Variants in GLRA3 observed in about 807,000 individuals in gnomAD.
GLRA3 encodes glycine receptor subunit alpha-3.
In GLRA3, 44 loss-of-function variants were observed where a neutral mutation model predicts 60.4. That is an observed-to-expected ratio of 0.73 (90% CI 0.57 to 0.94). The LOEUF is 0.94. Ranked by LOEUF, GLRA3 falls within the 40% of genes least tolerant of loss-of-function variation. GLRA3 has a pLI of 0.00. For missense variants in GLRA3, 508 were observed against 564.6 expected, an observed-to-expected ratio of 0.90 and a Z score of 1.02; for synonymous variants, 223 against 192.9, an observed-to-expected ratio of 1.16 and a Z score of -1.29.
At chr4:174,826,686 C>T (rs1740982672) in intron 1 of GLRA3, among the ~76,000 whole-genome samples, 1 of 152,116 alleles carries the variant, frequency 6.6e-6, no homozygotes, top group Non-Finnish European at 1.5e-5. Context: ...GTTGTTGCCT[C>T]CAAATTGCCC....
At chr4:174,809,705 C>T (rs1464150837) in intron 1 of GLRA3, among the ~76,000 whole-genome samples, 1 of 151,992 alleles carries the variant, frequency 6.6e-6, no homozygotes, top group Non-Finnish European at 1.5e-5. Flanking sequence ...TGCACTCCAG[C>T]CTGGGTGACA....
At chr4:174,706,231 GA>G (rs757661929) in intron 5 of GLRA3, among the ~76,000 whole-genome samples, 49 of 125,606 alleles carry the variant, frequency 3.9e-4, no homozygotes, top group Admixed American at 2.0e-3. Flanking sequence ...CTCCGTCTCA[GA>G]AAAAAAAAAG....
chr4:174,771,273 TA>T lies in GLRA3; in HGVS notation c.200-4244del, dbSNP rs1234100462. ...AAATAAATAAATGAAATTTCCGTCC[TA>T]AAAAAGGATGAGGTTACAACTGTCA... On this transcript the variant is annotated intron_variant, in intron 2 of 9. Transcript: ENST00000274093. Among the ~76,000 whole-genome samples, 5 of 152,038 alleles carry T rather than the reference TA, an allele frequency of 3.3e-5. No homozygotes were observed. In the East Asian group the frequency reaches 9.6e-4, roughly 29 times the overall value.
At chr4:174,747,137 A>T (rs1197835420) in intron 3 of GLRA3, among the ~76,000 whole-genome samples, 1 of 152,158 alleles carries the variant, frequency 6.6e-6, no homozygotes, top group Non-Finnish European at 1.5e-5. Context: ...CTTTCCTTGA[A>T]GAAGAATTAT....
chr4:174,749,439 G>A (rs544782974), intron 3 of GLRA3, among the ~76,000 whole-genome samples: 1 of 152,218 alleles, frequency 6.6e-6, no homozygotes, highest in African/African-American at 2.4e-5. Context: ...GTGTTTGAAG[G>A]CCAGGCATAT....
chr4:174,700,629 A>G (rs1052136845), intron 5 of GLRA3, among the ~76,000 whole-genome samples: 1 of 152,212 alleles, frequency 6.6e-6, no homozygotes, highest in African/African-American at 2.4e-5. Flanking sequence ...ATAGGATGAA[A>G]GCTAGGCGTC....
chr4:174,750,131 C>A (rs1002621949), intron 3 of GLRA3, among the ~76,000 whole-genome samples: 9 of 151,992 alleles, frequency 5.9e-5, no homozygotes, highest in Admixed American at 6.6e-5. Flanking sequence ...AGTTTTGTAT[C>A]CTAAGGAAGT....
At chr4:174,750,837 A>G (rs1385999840) in intron 3 of GLRA3, among the ~76,000 whole-genome samples, 1 of 152,068 alleles carries the variant, frequency 6.6e-6, no homozygotes, top group Non-Finnish European at 1.5e-5. Flanking sequence ...ACTTGTTTTG[A>G]ATAATCAAAA....
Position 174,708,293 on chromosome 4 carries a change from T to C in GLRA3, c.574+7195A>G, listed in dbSNP as rs1209009739. 2.0e-5 allele frequency among the ~76,000 whole-genome samples: 3 copies of C among 152,136 alleles called. No homozygotes were observed. In the East Asian group the frequency reaches 5.8e-4, roughly 29 times the overall value. On this transcript the variant is annotated intron_variant, in intron 5 of 9. Coordinates refer to ENST00000274093, the MANE Select transcript of GLRA3 (RefSeq NM_006529.4). ...ATTCCAGAGTAAGCGGTCTGAGTAA[T>C]GTCAAACCTGGTTTTTAAATGAATC...
chr4:174,806,155 A>G (rs1740042475), intron 1 of GLRA3, among the ~76,000 whole-genome samples: 1 of 152,176 alleles, frequency 6.6e-6, no homozygotes, highest in South Asian at 2.1e-4. Flanking sequence ...CAATATTGTT[A>G]ATTAGCATTT....
chr4:174,751,389 G>A (rs1737479634), intron 3 of GLRA3, among the ~76,000 whole-genome samples: 1 of 152,016 alleles, frequency 6.6e-6, no homozygotes, highest in South Asian at 2.1e-4. Flanking sequence ...GAAAAAGAAA[G>A]TAATATGGCC....
At chr4:174,787,967 A>T (rs1739184484) in intron 2 of GLRA3, among the ~76,000 whole-genome samples, 2 of 151,984 alleles carry the variant, frequency 1.3e-5, no homozygotes, top group South Asian at 4.1e-4. Flanking sequence ...TTTCTTCCAT[A>T]AGGACAAATT....
intron 3 of GLRA3, among the ~76,000 whole-genome samples, chr4:174,762,805 T>C (rs561771655): frequency 6.6e-6 from 1 of 152,268 alleles, no homozygotes; most frequent in Admixed American, 6.5e-5. Context: ...GACATATGCA[T>C]ATACCTGTGT....
chr4:174,730,070 G>A (rs770292502), intron 3 of GLRA3, among the ~76,000 whole-genome samples: 1 of 152,142 alleles, frequency 6.6e-6, no homozygotes, highest in African/African-American at 2.4e-5. Flanking sequence ...CTGCTTGCTA[G>A]CTGCCCCATG....
At chr4:174,828,230 T>G (rs965530624) in intron 1 of GLRA3, among the ~76,000 whole-genome samples, 1 of 152,138 alleles carries the variant, frequency 6.6e-6, no homozygotes, top group African/African-American at 2.4e-5. Context: ...CTGAGCTAGG[T>G]CATTAGAAAA....
At chr4:174,736,135 CATA>C (rs1004125112) in intron 3 of GLRA3, among the ~76,000 whole-genome samples, 1 of 152,036 alleles carries the variant, frequency 6.6e-6, no homozygotes, top group Admixed American at 6.6e-5. Flanking sequence ...GTCATAGAAT[CATA>C]ATGATTTTGA....
chr4:174,701,646 T>C (rs902404431), intron 5 of GLRA3, among the ~76,000 whole-genome samples: 44 of 152,218 alleles, frequency 2.9e-4, no homozygotes, highest in Non-Finnish European at 5.9e-5. Context: ...CAATTCACTA[T>C]TCTATAATGA....
chr4:174,721,082 G>A (rs1227562011), intron 4 of GLRA3, among the ~76,000 whole-genome samples: 3 of 151,790 alleles, frequency 2.0e-5, no homozygotes, highest in African/African-American at 7.3e-5. Context: ...GGGCTGGAGT[G>A]CGGTGGTGTG....
At chr4:174,682,758 A>G (rs1210076746) in intron 6 of GLRA3, 44 bp downstream of exon 6, 1 of 1,428,350 alleles carries the variant, frequency 7.0e-7, no homozygotes, top group Non-Finnish European at 9.7e-7. Flanking sequence ...TGGATATCAT[A>G]AAACCACAAG....
Sources: allele counts gnomAD v4.1 joint callset (sites outside exome capture counted in the v4.1 genomes callset), GRCh38; gene constraint gnomAD v4.1.1; transcripts MANE v1.5; gene names NCBI Gene and HGNC (gene_info 2026-07-23, HGNC 2026-07-21).